Variants in SBK1 observed in about 807,000 individuals in gnomAD.
SBK1 encodes the protein SH3 domain binding kinase 1, also known as serine/threonine-protein kinase SBK1.
A neutral mutation model predicts 24.4 loss-of-function variants in SBK1; 11 were observed. The ratio of observed to expected loss-of-function variants is 0.45; its 90% confidence interval spans 0.28 to 0.75. The LOEUF (loss-of-function observed/expected upper bound fraction) is 0.75. Among genes scored for constraint, SBK1 ranks in the 30% least tolerant of loss-of-function variants. The pLI, the probability that SBK1 is intolerant of heterozygous loss-of-function variation, is 0.12. For synonymous variants in SBK1, 308 were observed against 284.4 expected (o/e 1.08, Z -0.83); for missense variants, 467 against 620.5 (o/e 0.75, Z 2.63).
At chr16:28,271,253 A>T (rs2044463844) in intron 1 of SBK1, among the ~76,000 whole-genome samples, 1 of 152,046 alleles carries the variant, frequency 6.6e-6, no homozygotes, top group African/African-American at 2.4e-5. Context: ...TAAACAAGAA[A>T]AACAATAAAG....
At chr16:28,305,467 C>T (rs1289103090) in intron 1 of SBK1, among the ~76,000 whole-genome samples, 6 of 151,934 alleles carry the variant, frequency 3.9e-5, no homozygotes, top group Admixed American at 3.9e-4. Context: ...CTGCCTCGGC[C>T]TCCCAAAGTG....
chr16:28,294,009 G>T (rs1167725244), intron 1 of SBK1, among the ~76,000 whole-genome samples: 2 of 152,140 alleles, frequency 1.3e-5, no homozygotes, highest in Non-Finnish European at 2.9e-5. Flanking sequence ...GCACCGTTCT[G>T]TTCCCATTTG....
At chr16:28,314,565 G>C (rs1470146874) in intron 1 of SBK1, among the ~76,000 whole-genome samples, 4 of 152,204 alleles carry the variant, frequency 2.6e-5, no homozygotes, top group African/African-American at 4.8e-5. Context: ...TTGGGACTCA[G>C]ACCCAGGCTG....
chr16:28,280,149 A>ATATATATATATATATATG (rs1230385223), intron 1 of SBK1, among the ~76,000 whole-genome samples: 8 of 39,416 alleles, frequency 2.0e-4, no homozygotes, highest in African/African-American at 4.1e-4. Context: ...ATATATATAT[A>ATATATATATATATATATG]TGTGTGTGTG....
chr16:28,266,733 C>CTT (rs376731367), intron 1 of SBK1, among the ~76,000 whole-genome samples: 1 of 137,668 alleles, frequency 7.3e-6, no homozygotes, highest in Non-Finnish European at 1.6e-5. Context: ...TTTTTCTTTT[C>CTT]TTTTTTTTTT....
Position 28,321,049 on chromosome 16 carries a change from C to A in SBK1, c.*128C>A. On this transcript the variant is annotated 3_prime_UTR_variant, in exon 4 of 4. Coordinates refer to ENST00000341901, the MANE Select transcript of SBK1 (RefSeq NM_001024401.3). ...GCGCAGCGGTAGACTAGGCAGGACGCGGCCCGGCACCTGGTCCGTCCCCGG... is the reference window on the plus strand; with the variant it reads ...GCGCAGCGGTAGACTAGGCAGGACGAGGCCCGGCACCTGGTCCGTCCCCGG... The A allele has an allele frequency of 1.1e-6, 1 of 882,300 alleles. No individual in the cohort carries two copies. Among genetic ancestry groups the A allele is most frequent in the Non-Finnish European group, 1.5e-6 (1 of 658,102 alleles). The allele number at this position is 882,300 out of a possible 1,614,324, so 54.7% of individuals were successfully genotyped here.
At chr16:28,258,963 G>T (rs118181243), upstream of SBK1, 1,939 of 152,852 alleles carry the variant, frequency 0.013, 130 homozygotes, top group Admixed American at 0.11. Context: ...GGACAGACAG[G>T]GGGACTGGGG....
Position 28,317,291 on chromosome 16 carries a change from C to T in SBK1, c.-7-94C>T. 1.1e-6 allele frequency: 1 copy of T among 942,226 alleles called. No homozygotes were observed. The highest frequency in any genetic ancestry group is 1.6e-6 in the Non-Finnish European group (1 of 616,166). The allele number at this position is 942,226 out of a possible 1,614,324, so 58.4% of individuals were successfully genotyped here. On this transcript the variant is annotated intron_variant, in intron 1 of 3. Transcript: ENST00000341901. This position sits in a 1 kb window ranked among gnomAD's most constrained non-coding sequence, Gnocchi z 4.2. ...CTTGGGCCTGGCATCCGGGCCCATCCTCAAGTTTTCTGGGTTCTGGGGAGG... is the reference window on the plus strand; with the variant it reads ...CTTGGGCCTGGCATCCGGGCCCATCTTCAAGTTTTCTGGGTTCTGGGGAGG...
Position 28,320,774 on chromosome 16 carries a change from C to CGTGCCG in SBK1, c.1140_1145dup (p.Val389_Pro390dup), listed in dbSNP as rs758102839. 306 of 1,399,270 alleles carry CGTGCCG rather than the reference C, an allele frequency of 2.2e-4. 1 individual carries two copies. The highest frequency in any genetic ancestry group is 1.8e-3 in the African/African-American group (116 of 65,066). 86.7% of individuals were successfully genotyped at this position (1,399,270 alleles called of 1,614,324 possible). ...CCGCCGTCGGGTCGGTGCCCTTGCC[C>CGTGCCG]GTGCCGGTGCCGGTGCCAGTGCCCG... On this transcript the variant is annotated inframe_insertion, in exon 4 of 4. Transcript: ENST00000341901. The surrounding 1 kb of genome is among the most constrained non-coding windows in gnomAD (Gnocchi z 8.5).
chr16:28,320,185 T>C lies in SBK1; in HGVS notation c.539T>C (p.Val180Ala). Residue 180 changes from valine (V) to alanine (A), a missense_variant, in exon 4 of 4, where the codon GTG becomes GCG. Around this residue, in one of 4 missense-constraint regions of SBK1, gnomAD observed 92 missense variants for 193.8 expected, o/e 0.47. Transcript: ENST00000341901. The surrounding 1 kb of genome is among the most constrained non-coding windows in gnomAD (Gnocchi z 8.5). ...CACCGCGACATCAAGCCCGAGAACG[T>C]GCTGCTGTTCGACCGCGAGTGCCGC... ...LVHRDIKPEN[V>A]LLFDRECRRV... 1 of 1,594,072 alleles carries C rather than the reference T, an allele frequency of 6.3e-7. No individual in the cohort carries two copies. Among genetic ancestry groups the C allele is most frequent in the Non-Finnish European group, 8.5e-7 (1 of 1,175,742 alleles).
At chr16:28,272,218 T>C (rs943124029) in intron 1 of SBK1, among the ~76,000 whole-genome samples, 1 of 151,910 alleles carries the variant, frequency 6.6e-6, no homozygotes, top group Admixed American at 6.6e-5. Context: ...TACAGATGCA[T>C]GCCACCATGT....
chr16:28,269,123 T>G (rs1282020674), intron 1 of SBK1, among the ~76,000 whole-genome samples: 1 of 148,164 alleles, frequency 6.7e-6, no homozygotes, highest in East Asian at 2.0e-4. Flanking sequence ...AACCTCTGCC[T>G]CCTGGGTTCA....
At chr16:28,274,683 T>C (rs2044485960) in intron 1 of SBK1, among the ~76,000 whole-genome samples, 1 of 151,864 alleles carries the variant, frequency 6.6e-6, no homozygotes, top group Non-Finnish European at 1.5e-5. Flanking sequence ...TCTGCTCAAT[T>C]GTTCTGTAAG....
At position 28,317,941 on chromosome 16, in the gene SBK1, C is replaced by T. The variant is rs1023392097; in HGVS notation, c.226+324C>T. 2.0e-5 allele frequency among the ~76,000 whole-genome samples: 3 copies of T among 152,204 alleles called. No homozygotes were observed. The East Asian group carries it at 5.8e-4, about 29-fold the overall frequency. ...GGGAGGGCAGGGCTGCCGGCTGTGTCTGAGTATCACCAGCGTCTCAGGGAT... is the reference window on the plus strand; with the variant it reads ...GGGAGGGCAGGGCTGCCGGCTGTGTTTGAGTATCACCAGCGTCTCAGGGAT... On this transcript the variant is annotated intron_variant, in intron 2 of 3. Coordinates refer to ENST00000341901, the MANE Select transcript of SBK1 (RefSeq NM_001024401.3). The surrounding 1 kb of genome is among the most constrained non-coding windows in gnomAD (Gnocchi z 4.2).
At chr16:28,267,137 C>A (rs954834778) in intron 1 of SBK1, among the ~76,000 whole-genome samples, 6 of 152,100 alleles carry the variant, frequency 3.9e-5, no homozygotes, top group Non-Finnish European at 7.4e-5. Flanking sequence ...AAACTCCTGA[C>A]CTCAGGTGAT....
At position 28,259,546 on chromosome 16, in the gene SBK1, C is replaced by T; in HGVS notation, c.257+44C>T. On this transcript the variant is annotated intron_variant, in intron 1 of 3. Coordinates refer to the SBK1 transcript ENST00000671413. The surrounding 1 kb of genome is among the most constrained non-coding windows in gnomAD (Gnocchi z 6.0). ...CCAGTGGGTGGGCAGCAGGTGGGCA[C>T]AGCGCTCGACCCAGGGTGCCTGTGG... The T allele has an allele frequency of 1.5e-6, 1 of 665,206 alleles. No individual in the cohort carries two copies. Among genetic ancestry groups the T allele is most frequent in the Non-Finnish European group, 1.9e-6 (1 of 537,424 alleles). 41.2% of individuals were successfully genotyped at this position (665,206 alleles called of 1,614,324 possible).
At chr16:28,265,224 C>T (rs2044420835) in intron 1 of SBK1, among the ~76,000 whole-genome samples, 1 of 151,804 alleles carries the variant, frequency 6.6e-6, no homozygotes, top group Non-Finnish European at 1.5e-5. Flanking sequence ...TGAGACTAGC[C>T]TGGGCAACAT....
chr16:28,292,089 T>G (rs1232117580), upstream of SBK1: 1 of 151,844 alleles, frequency 6.6e-6, no homozygotes, highest in Non-Finnish European at 1.5e-5. Context: ...TTGTTTTCCC[T>G]CCTTCAAACA....
chr16:28,317,881 T>C lies in SBK1; in HGVS notation c.226+264T>C, dbSNP rs551690975. Among the ~76,000 whole-genome samples the C allele has an allele frequency of 6.6e-6, 1 of 151,714 alleles. No homozygotes were observed. Among genetic ancestry groups the C allele is most frequent in the Non-Finnish European group, 1.5e-5 (1 of 67,880 alleles). On this transcript the variant is annotated intron_variant, in intron 2 of 3. Coordinates refer to ENST00000341901, the MANE Select transcript of SBK1 (RefSeq NM_001024401.3). The surrounding 1 kb of genome is among the most constrained non-coding windows in gnomAD (Gnocchi z 4.2). Reference sequence around the variant, plus strand: ...TGCTGTGGGGCCATCTGGGGTGACTTTGAGACAGCCAAGGGGCTGTGCCAG... The same window carrying C: ...TGCTGTGGGGCCATCTGGGGTGACTCTGAGACAGCCAAGGGGCTGTGCCAG...
Sources: allele counts gnomAD v4.1 joint callset (sites outside exome capture counted in the v4.1 genomes callset), GRCh38; gene constraint gnomAD v4.1.1; regional missense constraint gnomAD v4.1.1; non-coding constraint Gnocchi (gnomAD v3.1); transcripts MANE v1.5; gene names NCBI Gene and HGNC (gene_info 2026-07-23, HGNC 2026-07-21).